Variants in PCDHGA3 observed in about 807,000 individuals in gnomAD.
PCDHGA3 encodes protocadherin gamma-A3.
A neutral mutation model predicts 58.5 loss-of-function variants in PCDHGA3; 40 were observed. The observed-to-expected ratio is 0.68, with a 90% CI of 0.53 to 0.89. PCDHGA3 has a LOEUF of 0.89. PCDHGA3 is among the 40% of genes least tolerant of loss of function. The pLI is 0.00. For missense variants in PCDHGA3, 1,223 were observed against 1,195.9 expected (o/e 1.02, Z -0.33); for synonymous variants, 530 against 525.7 (o/e 1.01, Z -0.11).
chr5:141,387,491 A>C (rs1049616816), intron 1 of PCDHGA3, among the ~76,000 whole-genome samples: 1 of 152,240 alleles, frequency 6.6e-6, no homozygotes, highest in African/African-American at 2.4e-5. Flanking sequence ...GGCATTCCTA[A>C]GAGTACATTT....
intron 1 of PCDHGA3, chr5:141,356,485 A>G: frequency 6.2e-7 from 1 of 1,613,910 alleles, no homozygotes; most frequent in East Asian, 2.2e-5. Flanking sequence ...TGACCAGGGA[A>G]CTCCTCCACT....
chr5:141,410,358 T>C, intron 1 of PCDHGA3: 2 of 1,614,070 alleles, frequency 1.2e-6, no homozygotes, highest in Non-Finnish European at 8.5e-7. Flanking sequence ...CGACGCTCTC[T>C]CAGCCCTGCT....
chr5:141,404,771 C>T lies in PCDHGA3; in HGVS notation c.2424+58314C>T, dbSNP rs376650362. On this transcript the variant is annotated intron_variant, in intron 1 of 3. Coordinates refer to ENST00000253812, the MANE Select transcript of PCDHGA3 (RefSeq NM_018916.4). Reference sequence around the variant, plus strand: ...AGGCCAGAATGCTTGGCTCTCCTACCGCCTATTCAAGGCCAGTGAGCCAGG... The same window carrying T: ...AGGCCAGAATGCTTGGCTCTCCTACTGCCTATTCAAGGCCAGTGAGCCAGG... The T allele has an allele frequency of 3.3e-5, 53 of 1,613,868 alleles. No homozygotes were observed. Among genetic ancestry groups the T allele is most frequent in the African/African-American group, 1.9e-4 (14 of 74,938 alleles).
At position 141,345,015 on chromosome 5, in the gene PCDHGA3, C is replaced by A. The variant is rs756820605; in HGVS notation, c.982C>A (p.Leu328Ile). Residue 328 changes from leucine to isoleucine, a missense_variant, in exon 1 of 4, where the codon CTT (leucine) becomes ATT (isoleucine). By Grantham distance (5) the Leu-to-Ile change is conservative (BLOSUM62 2). Transcript: ENST00000253812. ...KIEAQDGPGL[L>I]SRAKILVTVL... The stretch of plus-strand genomic sequence containing the variant: ...TGAAGCACAGGATGGACCAGGTCTT[C>A]TTTCAAGAGCCAAGATTCTAGTCAC... 1.2e-6 allele frequency: 2 copies of A among 1,613,968 alleles called. No homozygotes were observed. Among genetic ancestry groups the A allele is most frequent in the Non-Finnish European group, 8.5e-7 (1 of 1,179,878 alleles).
Position 141,345,552 on chromosome 5 carries a change from A to G in PCDHGA3, c.1519A>G (p.Ile507Val), listed in dbSNP as rs769859145. Reference protein sequence around the residue: ...QGAPLSSFVSINSNTGVLYAL... With the variant: ...QGAPLSSFVSVNSNTGVLYAL... ...GGCGCCCCTGTCCTCCTTCGTCTCT[A>G]TCAACTCCAACACTGGCGTCCTATA... The change falls in exon 1 of 4, where the codon ATC becomes GTC. Residue 507 changes from isoleucine (I) to valine (V), a missense_variant. Transcript: ENST00000253812. The G allele has an allele frequency of 9.9e-6, 16 of 1,614,032 alleles. No homozygotes were observed. The highest frequency in any genetic ancestry group is 2.2e-5 in the East Asian group (1 of 44,882).
chr5:141,402,854 C>A, intron 1 of PCDHGA3: 2 of 1,423,530 alleles, frequency 1.4e-6, no homozygotes, highest in Non-Finnish European at 1.8e-6. Flanking sequence ...CCTCTTTCTT[C>A]TAAGGAAAAG....
Position 141,346,371 on chromosome 5 carries a change from A to T in PCDHGA3, c.2338A>T (p.Ile780Phe). 6.2e-7 allele frequency: 1 copy of T among 1,613,258 alleles called. No individual in the cohort carries two copies. The highest frequency in any genetic ancestry group is 1.1e-5 in the South Asian group (1 of 91,080). Residue 780 changes from isoleucine (I) to phenylalanine (F), a missense_variant, in exon 1 of 4, where the codon ATC (isoleucine) becomes TTC (phenylalanine). Transcript: ENST00000253812. ...CCAGCCCAACTATGCGGACACGCTC[A>T]TCAGCCAGGAGAGCTGTGAGAAAAG... ...FPQPNYADTL[I>F]SQESCEKSEP...
intron 1 of PCDHGA3, chr5:141,375,866 G>T: frequency 1.2e-6 from 2 of 1,613,948 alleles, no homozygotes; most frequent in Non-Finnish European, 8.5e-7. Flanking sequence ...GGTGGCGGTG[G>T]ACAGAGACTC....
At chr5:141,375,629 G>T (rs567513392) in intron 1 of PCDHGA3, 4 of 1,614,074 alleles carry the variant, frequency 2.5e-6, no homozygotes, top group African/African-American at 1.3e-5. Context: ...GATTCTGTAC[G>T]CCCTGCGCTC....
Position 141,374,382 on chromosome 5 carries a change from C to T in PCDHGA3, c.2424+27925C>T, listed in dbSNP as rs975173370. On this transcript the variant is annotated intron_variant, in intron 1 of 3. Coordinates refer to ENST00000253812, the MANE Select transcript of PCDHGA3 (RefSeq NM_018916.4). ...CGCGAGGAGCTCTGTGCTCAGAGCC[C>T]GCGGTGTCTGGTGAGTTTTAACATC... is the stretch of plus-strand genomic sequence containing the variant. 3.7e-6 allele frequency: 6 copies of T among 1,613,888 alleles called. No individual in the cohort carries two copies. The African/African-American group carries it at 6.7e-5, about 18-fold the overall frequency.
At chr5:141,388,464 A>G (rs750047903) in intron 1 of PCDHGA3, 2 of 1,613,850 alleles carry the variant, frequency 1.2e-6, no homozygotes, top group South Asian at 2.2e-5. Flanking sequence ...ATACCCTGAG[A>G]TGGTATTGAA....
At chr5:141,374,404 C>T (rs1383124731) in intron 1 of PCDHGA3, 2 of 1,613,916 alleles carry the variant, frequency 1.2e-6, no homozygotes, top group South Asian at 1.1e-5. Context: ...TGAGTTTTAA[C>T]ATCCTTGTCG....
chr5:141,423,260 G>A (rs1402237346), intron 1 of PCDHGA3: 2 of 1,613,996 alleles, frequency 1.2e-6, no homozygotes, highest in South Asian at 1.1e-5. Flanking sequence ...GACCTCGGCA[G>A]CCTCGAGTCT....
At chr5:141,375,379 G>A in intron 1 of PCDHGA3, 1 of 1,613,912 alleles carries the variant, frequency 6.2e-7, no homozygotes, top group Non-Finnish European at 8.5e-7. Context: ...CACCACCTCT[G>A]TCTACAGAAA....
chr5:141,362,158 C>G, intron 1 of PCDHGA3: 1 of 1,614,034 alleles, frequency 6.2e-7, no homozygotes, highest in South Asian at 1.1e-5. Flanking sequence ...ATTGCCAGAC[C>G]TCAGCGACCG....
In PCDHGA3 at chr5:141,485,818, C is replaced by T; in HGVS notation, c.2425-8989C>T. 6 of 1,613,912 alleles carry T rather than the reference C, an allele frequency of 3.7e-6. No homozygotes were observed. The highest frequency in any genetic ancestry group is 5.1e-6 in the Non-Finnish European group (6 of 1,179,974). On this transcript the variant is annotated intron_variant, in intron 1 of 3. Transcript: ENST00000253812. This position sits in a 1 kb window ranked among gnomAD's most constrained non-coding sequence, Gnocchi z 5.7. ...ACTACCGCCTGGTGCTGACTGCTGTCGATGGAGGGAACCCGCCGAGATCTG... is the reference window on the plus strand; with the variant it reads ...ACTACCGCCTGGTGCTGACTGCTGTTGATGGAGGGAACCCGCCGAGATCTG...
chr5:141,488,866 G>C (rs957501628), intron 1 of PCDHGA3, among the ~76,000 whole-genome samples: 1 of 152,148 alleles, frequency 6.6e-6, no homozygotes, highest in East Asian at 1.9e-4. Context: ...GAAGTGAGTG[G>C]GGAGGTAGGA....
intron 1 of PCDHGA3, among the ~76,000 whole-genome samples, chr5:141,397,021 AC>A (rs1313075505): frequency 6.6e-6 from 1 of 152,234 alleles, no homozygotes; most frequent in Non-Finnish European, 1.5e-5. Context: ...AAGAAGGTTG[AC>A]CAATGTCCAC....
chr5:141,364,963 C>T (rs1763641490), intron 1 of PCDHGA3: 1 of 1,613,822 alleles, frequency 6.2e-7, no homozygotes, highest in Admixed American at 1.7e-5. Context: ...ACGACCTCCT[C>T]CTCACAGCTT....
Sources: allele counts gnomAD v4.1 joint callset (sites outside exome capture counted in the v4.1 genomes callset), GRCh38; gene constraint gnomAD v4.1.1; non-coding constraint Gnocchi (gnomAD v3.1); transcripts MANE v1.5; gene names NCBI Gene and HGNC (gene_info 2026-07-23, HGNC 2026-07-21).